STIMATE: variants seen among roughly 807,000 people sequenced by gnomAD.
STIMATE encodes the protein STIM activating enhancer.
A neutral mutation model predicts 36.7 loss-of-function variants in STIMATE; 15 were observed. The observed-to-expected ratio is 0.41, with a 90% CI of 0.27 to 0.63. The LOEUF (loss-of-function observed/expected upper bound fraction) is 0.63, where lower values mean the gene tolerates loss of function less well. STIMATE is among the 20% of genes least tolerant of loss of function. The pLI is 0.32. For missense variants in STIMATE, 305 were observed against 397.3 expected, an observed-to-expected ratio of 0.77 and a Z score of 1.98; for synonymous variants, 163 against 162.3, an observed-to-expected ratio of 1.00 and a Z score of -0.03.
At chr3:52,856,205 A>G (rs539940939) in intron 1 of STIMATE, among the ~76,000 whole-genome samples, 21 of 152,330 alleles carry the variant, frequency 1.4e-4, no homozygotes, top group African/African-American at 4.8e-4. Flanking sequence ...CTTTAACACA[A>G]TAGGTAACAA....
intron 1 of STIMATE, among the ~76,000 whole-genome samples, chr3:52,896,845 G>A (rs1271564844): frequency 6.6e-6 from 1 of 152,182 alleles, no homozygotes; most frequent in Non-Finnish European, 1.5e-5. Flanking sequence ...ATTTAAATGT[G>A]AACGGAGAAG....
intron 1 of STIMATE, among the ~76,000 whole-genome samples, chr3:52,872,245 GCT>G (rs1701420357): frequency 6.6e-6 from 1 of 152,162 alleles, no homozygotes; most frequent in Non-Finnish European, 1.5e-5. Context: ...AGGACCTTCT[GCT>G]CTGTTTACCT....
intron 1 of STIMATE, among the ~76,000 whole-genome samples, chr3:52,862,287 G>C (rs1701230434): frequency 6.6e-6 from 1 of 152,136 alleles, no homozygotes; most frequent in South Asian, 2.1e-4. Context: ...AGCCCCTCAG[G>C]ACTGCTTTCC....
In STIMATE at chr3:52,839,161, C is replaced by T. The variant is rs1481319176; in HGVS notation, c.*1333G>A. On this transcript the variant is annotated 3_prime_UTR_variant, in exon 8 of 8. Transcript: ENST00000355083. ...GGGACACGGCCTAGAAGCACCTTGC[C>T]CTGCCTGTGGTTTAGAGAGTGAGCT... 1 of 152,280 alleles carries T rather than the reference C, an allele frequency of 6.6e-6. No individual in the cohort carries two copies. Among genetic ancestry groups the T allele is most frequent in the African/African-American group, 2.4e-5 (1 of 41,452 alleles). 9.4% of individuals were successfully genotyped at this position (152,280 alleles called of 1,614,324 possible).
intron 1 of STIMATE, among the ~76,000 whole-genome samples, chr3:52,887,381 G>A (rs1701704399): frequency 6.6e-6 from 1 of 152,158 alleles, no homozygotes; most frequent in Non-Finnish European, 1.5e-5. Flanking sequence ...CTGGTGGACC[G>A]GACCCAGGCA....
chr3:52,844,911 C>A lies in STIMATE; in HGVS notation c.458G>T (p.Gly153Val), dbSNP rs1410990240. 6.2e-7 allele frequency: 1 copy of A among 1,613,970 alleles called. No individual in the cohort carries two copies. Among genetic ancestry groups the A allele is most frequent in the Non-Finnish European group, 8.5e-7 (1 of 1,179,968 alleles). Residue 153 changes from glycine (G) to valine (V), a missense_variant, in exon 5 of 8, where the codon GGG becomes GTG. Around this residue, in one of 3 missense-constraint regions of STIMATE, gnomAD observed 164 missense variants for 257.9 expected, o/e 0.64. Coordinates refer to ENST00000355083, the MANE Select transcript of STIMATE (RefSeq NM_198563.5). ...GATCACGATGTAAAGAGCGCACTGC[C>A]CGACCCAGGCTCCACACTGCAGAGG... is the stretch of plus-strand genomic sequence containing the variant. The part of the protein sequence containing the change: ...GDPLQCGAWV[G>V]QCALYIVIMI...
intron 1 of STIMATE, among the ~76,000 whole-genome samples, chr3:52,881,795 G>A (rs1701610057): frequency 6.6e-6 from 1 of 152,208 alleles, no homozygotes; most frequent in African/African-American, 2.4e-5. Context: ...AAATCCAATT[G>A]ATAAGCCCAA....
chr3:52,836,733 T>C lies in STIMATE; in HGVS notation c.*3761A>G, dbSNP rs538778068. 6.3e-5 allele frequency: 24 copies of C among 380,936 alleles called. No individual in the cohort carries two copies. The highest frequency in any genetic ancestry group is 4.2e-4 in the African/African-American group (20 of 47,282). The allele number at this position is 380,936 out of a possible 1,614,324, so 23.6% of individuals were successfully genotyped here. The stretch of plus-strand genomic sequence containing the variant: ...ACAACCACAACCACAAATGTGATGG[T>C]TTCTTTTTAAAAAAAACTGTAATAA... On this transcript the variant is annotated 3_prime_UTR_variant, in exon 8 of 8. Coordinates refer to ENST00000355083, the MANE Select transcript of STIMATE (RefSeq NM_198563.5).
At chr3:52,848,964 G>A (rs951038866) in intron 4 of STIMATE, among the ~76,000 whole-genome samples, 1 of 152,224 alleles carries the variant, frequency 6.6e-6, no homozygotes, top group Non-Finnish European at 1.5e-5. Flanking sequence ...GGTACTCATA[G>A]CCAGCTCCAT....
chr3:52,842,748 C>G, intron 7 of STIMATE, 63 bp downstream of exon 7: 2 of 1,606,408 alleles, frequency 1.2e-6, no homozygotes. Context: ...GACATGAGAC[C>G]AGAGACCCCC....
chr3:52,847,063 T>A (rs1700920571), intron 4 of STIMATE, among the ~76,000 whole-genome samples: 1 of 152,126 alleles, frequency 6.6e-6, no homozygotes. Flanking sequence ...GTCATGTGCC[T>A]GGCTAATTAA....
intron 2 of STIMATE, among the ~76,000 whole-genome samples, chr3:52,854,508 G>C (rs1010133765): frequency 6.6e-6 from 1 of 152,218 alleles, no homozygotes; most frequent in Non-Finnish European, 1.5e-5. Flanking sequence ...TGGGAAGGGG[G>C]CACACCCCAA....
In STIMATE at chr3:52,839,456, C is replaced by G. The variant is rs1700759457; in HGVS notation, c.*1038G>C. 1 of 152,212 alleles carries G rather than the reference C, an allele frequency of 6.6e-6. No homozygotes were observed. The highest frequency in any genetic ancestry group is 2.4e-5 in the African/African-American group (1 of 41,442). The allele number at this position is 152,212 out of a possible 1,614,324, so 9.4% of individuals were successfully genotyped here. ...GCAGACTGCACAGGAGTCTGGTAGT[C>G]TTGGGTCCTCTGGAAACAAAGACCT... is the stretch of plus-strand genomic sequence containing the variant. On this transcript the variant is annotated 3_prime_UTR_variant, in exon 8 of 8. Coordinates refer to ENST00000355083, the MANE Select transcript of STIMATE (RefSeq NM_198563.5).
intron 1 of STIMATE, among the ~76,000 whole-genome samples, chr3:52,871,770 C>T (rs1046312714): frequency 6.6e-6 from 1 of 152,182 alleles, no homozygotes; most frequent in African/African-American, 2.4e-5. Context: ...AAAAGTCCAA[C>T]TTCACATTTA....
chr3:52,874,446 A>G (rs940692641), intron 1 of STIMATE, among the ~76,000 whole-genome samples: 1 of 152,236 alleles, frequency 6.6e-6, no homozygotes, highest in Non-Finnish European at 1.5e-5. Context: ...ACAATAAACT[A>G]TTAACCATGG....
At chr3:52,860,139 A>AAG (rs1286793674) in intron 1 of STIMATE, among the ~76,000 whole-genome samples, 1 of 139,768 alleles carries the variant, frequency 7.2e-6, no homozygotes, top group South Asian at 2.3e-4. Flanking sequence ...AAAAAAAAAA[A>AAG]CAGAAAAATT....
rs374948485 is a variant in STIMATE at position 52,855,384 on chromosome 3, C to T, written c.209+12G>A. On this transcript the variant is annotated intron_variant, in intron 2 of 7. Coordinates refer to ENST00000355083, the MANE Select transcript of STIMATE (RefSeq NM_198563.5). ...AAAGCACTCCAGAATGAACTAATAC[C>T]TAAACACATACCATATCCTCCACGG... The T allele has an allele frequency of 2.6e-5, 42 of 1,613,804 alleles. No homozygotes were observed. The African/African-American group carries it at 5.2e-4, about 20-fold the overall frequency.
chr3:52,864,905 C>CG (rs1310438326), intron 1 of STIMATE, among the ~76,000 whole-genome samples: 1 of 152,122 alleles, frequency 6.6e-6, no homozygotes, highest in Non-Finnish European at 1.5e-5. Context: ...TTGTCTACAT[C>CG]ACTATCAGCA....
intron 1 of STIMATE, among the ~76,000 whole-genome samples, chr3:52,874,086 A>G (rs1451516099): frequency 1.3e-5 from 2 of 152,230 alleles, no homozygotes; most frequent in Admixed American, 1.3e-4. Flanking sequence ...ACCTCCACAA[A>G]TGCCCACAAG....
Sources: allele counts gnomAD v4.1 joint callset (sites outside exome capture counted in the v4.1 genomes callset), GRCh38; gene constraint gnomAD v4.1.1; regional missense constraint gnomAD v4.1.1; transcripts MANE v1.5; gene names NCBI Gene and HGNC (gene_info 2026-07-23, HGNC 2026-07-21).